Variants in NT5M observed in about 807,000 individuals in gnomAD.
NT5M encodes 5',3'-nucleotidase, mitochondrial.
NT5M carries 22 observed loss-of-function variants against 22.2 expected under a neutral mutation model. The ratio of observed to expected loss-of-function variants is 0.99; its 90% confidence interval spans 0.71 to 1.41. The LOEUF is 1.41. Among genes scored for constraint, NT5M ranks in the 40% most tolerant of loss-of-function variants. NT5M has a pLI of 0.00. For missense variants in NT5M, 322 were observed against 314.8 expected (o/e 1.02, Z -0.17); for synonymous variants, 167 against 133.0 (o/e 1.26, Z -1.76).
chr17:17,330,620 T>G (rs1037999742), intron 3 of NT5M, among the ~76,000 whole-genome samples: 1 of 151,982 alleles, frequency 6.6e-6, no homozygotes, highest in Non-Finnish European at 1.5e-5. Context: ...AGGTGATCCA[T>G]CTGCCTCAGC....
At chr17:17,310,490 G>T (rs905536810) in intron 2 of NT5M, among the ~76,000 whole-genome samples, 3 of 152,088 alleles carry the variant, frequency 2.0e-5, no homozygotes, top group African/African-American at 7.2e-5. Flanking sequence ...CTCAACAAAG[G>T]ATTGAATGAA....
rs1244762682 is a variant in NT5M, at chr17:17,314,236, C to T, written c.368+7593C>T. On this transcript the variant is annotated intron_variant, in intron 2 of 4. Coordinates refer to ENST00000389022, the MANE Select transcript of NT5M (RefSeq NM_020201.4). The stretch of plus-strand genomic sequence containing the variant: ...TTTTAGTAAAGACGGGGTTTCACCA[C>T]GTTGGTCAGGCTGGTGTTTAACTCC... Among the ~76,000 whole-genome samples the T allele has an allele frequency of 1.0e-3, 155 of 152,084 alleles. 1 individual carries two copies. The highest frequency in any genetic ancestry group is 4.1e-4 in the African/African-American group (17 of 41,492).
At chr17:17,305,307 C>G (rs746588798) in intron 1 of NT5M, among the ~76,000 whole-genome samples, 4 of 151,404 alleles carry the variant, frequency 2.6e-5, no homozygotes, top group Non-Finnish European at 5.9e-5. Context: ...CTGGCTTCCA[C>G]TACTTCCCTT....
intron 2 of NT5M, among the ~76,000 whole-genome samples, chr17:17,317,931 C>T (rs137948863): frequency 0.023 from 3,163 of 136,236 alleles, 124 homozygotes; most frequent in African/African-American, 0.083. Flanking sequence ...CACTGGACTC[C>T]AGCCTAGGTG....
intron 3 of NT5M, among the ~76,000 whole-genome samples, chr17:17,342,553 A>G (rs2049666579): frequency 6.6e-6 from 1 of 152,220 alleles, no homozygotes; most frequent in African/African-American, 2.4e-5. Context: ...GGAAATTAAA[A>G]AAACAAAACC....
chr17:17,311,526 C>G (rs2048922958), intron 2 of NT5M, among the ~76,000 whole-genome samples: 1 of 152,062 alleles, frequency 6.6e-6, no homozygotes, highest in Admixed American at 6.6e-5. Flanking sequence ...CACACTCTTG[C>G]TGAGAATTAA....
chr17:17,321,724 GGGCCTGGCCAGACA>G (rs2049155675), intron 2 of NT5M, among the ~76,000 whole-genome samples: 1 of 151,912 alleles, frequency 6.6e-6, no homozygotes, highest in African/African-American at 2.4e-5. Flanking sequence ...GGCTCCTTCA[GGGCCTGGCCAGACA>G]GGCCTGGGTG....
At chr17:17,342,964 T>C (rs547025391) in intron 3 of NT5M, among the ~76,000 whole-genome samples, 1 of 152,334 alleles carries the variant, frequency 6.6e-6, no homozygotes, top group South Asian at 2.1e-4. Flanking sequence ...TTTGGCTACT[T>C]GGAATGTTGC....
chr17:17,303,415 G>T lies in NT5M; in HGVS notation c.-136G>T. The stretch of plus-strand genomic sequence containing the variant: ...TGCGCGCCCGCACCCCGCGCTCCCC[G>T]CCCCGCTCCCCGTCCCGCGCTCCAC... On this transcript the variant is annotated 5_prime_UTR_variant, in exon 1 of 5. Coordinates refer to ENST00000389022, the MANE Select transcript of NT5M (RefSeq NM_020201.4). 2.1e-6 allele frequency: 2 copies of T among 974,176 alleles called. No homozygotes were observed. Among genetic ancestry groups the T allele is most frequent in the Non-Finnish European group, 2.4e-6 (2 of 817,608 alleles). 60.3% of individuals were successfully genotyped at this position (974,176 alleles called of 1,614,324 possible).
chr17:17,335,102 T>C (rs2049478455), intron 3 of NT5M, among the ~76,000 whole-genome samples: 1 of 151,978 alleles, frequency 6.6e-6, no homozygotes. Context: ...TCATGTTTTT[T>C]TTTTTGGCAT....
At chr17:17,307,153 G>A (rs866331261) in intron 2 of NT5M, among the ~76,000 whole-genome samples, 1 of 152,042 alleles carries the variant, frequency 6.6e-6, no homozygotes, top group Non-Finnish European at 1.5e-5. Flanking sequence ...AGCCGAGATC[G>A]CGCCATTGCA....
At chr17:17,335,795 G>A (rs921642777) in intron 3 of NT5M, among the ~76,000 whole-genome samples, 3 of 151,844 alleles carry the variant, frequency 2.0e-5, no homozygotes, top group Non-Finnish European at 4.4e-5. Context: ...ACCATGTCCG[G>A]CTAATTTTTG....
At chr17:17,335,776 G>C (rs914227694) in intron 3 of NT5M, among the ~76,000 whole-genome samples, 4 of 151,648 alleles carry the variant, frequency 2.6e-5, no homozygotes, top group African/African-American at 9.7e-5. Flanking sequence ...GGAACTACAG[G>C]CACGTGCCAC....
At chr17:17,309,103 G>C (rs962762743) in intron 2 of NT5M, among the ~76,000 whole-genome samples, 1 of 149,710 alleles carries the variant, frequency 6.7e-6, no homozygotes, top group African/African-American at 2.5e-5. Flanking sequence ...TTTGAATCTT[G>C]TTTTCAATTC....
chr17:17,325,610 A>T (rs1279833364), intron 3 of NT5M, among the ~76,000 whole-genome samples: 1 of 152,196 alleles, frequency 6.6e-6, no homozygotes, highest in East Asian at 1.9e-4. Flanking sequence ...ATGCAGGCTG[A>T]CAAGGCCCTC....
chr17:17,310,224 T>A (rs943998889), intron 2 of NT5M, among the ~76,000 whole-genome samples: 1 of 152,100 alleles, frequency 6.6e-6, no homozygotes, highest in Admixed American at 6.6e-5. Flanking sequence ...GAGACTTGTA[T>A]CTAGAATATA....
rs1349558684 is a variant in NT5M, at chr17:17,343,247, G to GTGTGTGTGTGCA, written c.430-1534_430-1523dup. On this transcript the variant is annotated intron_variant, in intron 3 of 4. Transcript: ENST00000389022. ...TAGGAGAAGGGCCCTGTGCATATGT[G>GTGTGTGTGTGCA]TGTGTGTGTGCATGTGTGTGTGCAC... 2.0e-5 allele frequency among the ~76,000 whole-genome samples: 3 copies of GTGTGTGTGTGCA among 152,276 alleles called. No homozygotes were observed. In the East Asian group the frequency reaches 5.8e-4, roughly 29 times the overall value.
chr17:17,344,187 C>G (rs773802561), intron 3 of NT5M, among the ~76,000 whole-genome samples: 39 of 152,160 alleles, frequency 2.6e-4, no homozygotes, highest in Non-Finnish European at 4.4e-4. Flanking sequence ...CCGTTAGCAC[C>G]TGGAATGCGC....
At chr17:17,316,016 A>G (rs1338184434) in intron 2 of NT5M, among the ~76,000 whole-genome samples, 1 of 151,346 alleles carries the variant, frequency 6.6e-6, no homozygotes, top group East Asian at 1.9e-4. Flanking sequence ...TGGCCTCCCA[A>G]AGTGCTGGGA....
Sources: allele counts gnomAD v4.1 joint callset (sites outside exome capture counted in the v4.1 genomes callset), GRCh38; gene constraint gnomAD v4.1.1; transcripts MANE v1.5; gene names NCBI Gene and HGNC (gene_info 2026-07-23, HGNC 2026-07-21).